The following NBAS variants were observed in gnomAD, a reference collection of about 807,000 sequenced individuals.
The protein encoded by NBAS is NBAS subunit of NRZ tethering complex.
Under a neutral mutation model 302.5 loss-of-function variants are expected in NBAS, and 219 were observed. That is an observed-to-expected ratio of 0.72 (90% CI 0.65 to 0.81). NBAS has a LOEUF of 0.81. Ranked by LOEUF, NBAS falls within the 30% of genes least tolerant of loss-of-function variation. The pLI is 0.00. For missense variants in NBAS, 2,932 were observed against 2,841.6 expected, an observed-to-expected ratio of 1.03 and a Z score of -0.72; for synonymous variants, 1,118 against 1,021.6, an observed-to-expected ratio of 1.09 and a Z score of -1.80.
chr2:15,226,465 A>G (rs1010470535), intron 47 of NBAS, among the ~76,000 whole-genome samples: 1 of 152,248 alleles, frequency 6.6e-6, no homozygotes, highest in African/African-American at 2.4e-5. Context: ...TTCTTGAAAT[A>G]TGATGTTATA....
At chr2:15,353,163 T>C (rs1287057579) in intron 34 of NBAS, among the ~76,000 whole-genome samples, 2 of 152,164 alleles carry the variant, frequency 1.3e-5, no homozygotes, top group East Asian at 3.9e-4. Flanking sequence ...AAAGCCCACC[T>C]CAATCCCCAA....
chr2:15,123,744 C>A, the NBAS span, among the ~76,000 whole-genome samples: 1 of 152,296 alleles, frequency 6.6e-6, no homozygotes, highest in South Asian at 2.1e-4. Flanking sequence ...AGAAGCAGAT[C>A]CCAGCACCCT....
intron 44 of NBAS, among the ~76,000 whole-genome samples, chr2:15,245,608 A>AGGAT (rs57408257): frequency 0.14 from 20,168 of 148,054 alleles, 1,604 homozygotes; most frequent in African/African-American, 0.21. Flanking sequence ...GTTGAATGGA[A>AGGAT]GGATGGATGG....
chr2:14,980,411 C>A, the NBAS span, among the ~76,000 whole-genome samples: 1 of 152,244 alleles, frequency 6.6e-6, no homozygotes, highest in South Asian at 2.1e-4. Context: ...AGCCATTACC[C>A]CAGACATCTT....
chr2:14,910,035 C>T, the NBAS span, among the ~76,000 whole-genome samples: 1 of 152,142 alleles, frequency 6.6e-6, no homozygotes, highest in African/African-American at 2.4e-5. Context: ...ACCCGGTTGC[C>T]CTGGAGACTT....
chr2:15,046,973 G>A, the NBAS span, among the ~76,000 whole-genome samples: 1 of 152,162 alleles, frequency 6.6e-6, no homozygotes, highest in Non-Finnish European at 1.5e-5. Flanking sequence ...AGACACCACG[G>A]GCCTGCTGGT....
At chr2:15,472,038 G>T (rs74889113) in intron 16 of NBAS, among the ~76,000 whole-genome samples, 1,907 of 152,254 alleles carry the variant, frequency 0.013, 36 homozygotes, top group African/African-American at 0.043. Flanking sequence ...ATCCAGTTTT[G>T]AGATTTAAGT....
chr2:15,323,523 T>C (rs1671917788), intron 38 of NBAS, among the ~76,000 whole-genome samples: 1 of 152,198 alleles, frequency 6.6e-6, no homozygotes, highest in African/African-American at 2.4e-5. Flanking sequence ...GTCTTCACTA[T>C]GGTTTCACAA....
At position 15,415,596 on chromosome 2, in the gene NBAS, T is replaced by C. The variant is rs1314410535; in HGVS notation, c.2887A>G (p.Lys963Glu). 1 of 1,614,008 alleles carries C rather than the reference T, an allele frequency of 6.2e-7. No individual in the cohort carries two copies. The highest frequency in any genetic ancestry group is 1.3e-5 in the African/African-American group (1 of 74,928). ...LLKEYLVTLAKGDLKFPLKIF... is the reference protein window; with the variant it reads ...LLKEYLVTLAEGDLKFPLKIF... The stretch of plus-strand genomic sequence containing the variant: ...TTCAGGGGAAATTTTAAGTCCCCTT[T>C]AGCTAAAGTTACTAAATATTCTTTT... The change falls in exon 25 of 52, where the codon AAA (lysine) becomes GAA (glutamate). Residue 963 changes from lysine (K) to glutamate (E), a missense_variant. Transcript: ENST00000281513.
chr2:15,107,183 T>C, the NBAS span, among the ~76,000 whole-genome samples: 1 of 152,082 alleles, frequency 6.6e-6, no homozygotes, highest in African/African-American at 2.4e-5. Context: ...GGTAGGATCT[T>C]ACTCCAATAG....
the NBAS span, among the ~76,000 whole-genome samples, chr2:14,867,858 T>C: frequency 6.6e-6 from 1 of 152,340 alleles, no homozygotes; most frequent in South Asian, 2.1e-4. Flanking sequence ...ACCTTATTTT[T>C]CATTGCTTAC....
chr2:15,309,237 T>C lies in NBAS; in HGVS notation c.4593A>G (p.Gln1531=), dbSNP rs1671170983. 1.9e-6 allele frequency: 3 copies of C among 1,611,362 alleles called. No homozygotes were observed. Among genetic ancestry groups the C allele is most frequent in the Admixed American group, 1.7e-5 (1 of 59,920 alleles). ...CATTTGGCAAGGCTTCACTTGCTAG[T>C]TGCAAGAGAACTGAATGCAGAAAAA... ...EVFPTTEVLL[Q]LASEALPNDM... Residue 1531 remains glutamine, a synonymous_variant, in exon 39 of 52, where the codon CAA becomes CAG. Coordinates refer to ENST00000281513, the MANE Select transcript of NBAS (RefSeq NM_015909.4).
intron 10 of NBAS, among the ~76,000 whole-genome samples, chr2:15,504,795 A>T (rs899755858): frequency 6.6e-6 from 1 of 152,182 alleles, no homozygotes; most frequent in African/African-American, 2.4e-5. Flanking sequence ...ACTGTGGAAG[A>T]AGCTTGGTGG....
chr2:14,916,585 T>C, the NBAS span, among the ~76,000 whole-genome samples: 1 of 152,284 alleles, frequency 6.6e-6, no homozygotes, highest in Admixed American at 6.5e-5. Flanking sequence ...TTCAGTAATA[T>C]ATATATATGA....
the NBAS span, among the ~76,000 whole-genome samples, chr2:15,064,642 A>G: frequency 6.6e-6 from 1 of 152,192 alleles, no homozygotes; most frequent in East Asian, 1.9e-4. Context: ...CCAAATATTT[A>G]AAGAATAATT....
the NBAS span, among the ~76,000 whole-genome samples, chr2:15,161,523 A>G: frequency 3.0e-4 from 45 of 152,298 alleles, 1 homozygote; most frequent in African/African-American, 9.4e-4. Context: ...AGTACTGCTG[A>G]GGAGAACTTC....
At chr2:15,549,379 T>C (rs1257320368) in intron 6 of NBAS, among the ~76,000 whole-genome samples, 1 of 151,920 alleles carries the variant, frequency 6.6e-6, no homozygotes, top group Non-Finnish European at 1.5e-5. Flanking sequence ...AAGTAAAAAA[T>C]GTTAAGAGCC....
rs557605387 is a variant in NBAS at position 15,437,599 on chromosome 2, A to T, written c.2340-9805T>A. ...TCTGCAGGGCGAATAAGTCTAACAC[A>T]CTTTAGTGTTGATGAGGTTCAAGAT... On this transcript the variant is annotated intron_variant, in intron 21 of 51. Transcript: ENST00000281513. 4.6e-4 allele frequency among the ~76,000 whole-genome samples: 70 copies of T among 152,322 alleles called. 1 individual carries two copies. The highest frequency in any genetic ancestry group is 1.5e-3 in the African/African-American group (61 of 41,584).
chr2:14,878,182 T>C, the NBAS span, among the ~76,000 whole-genome samples: 2 of 152,202 alleles, frequency 1.3e-5, no homozygotes, highest in Non-Finnish European at 2.9e-5. Flanking sequence ...AGAACACTCC[T>C]GGCACCAACT....
Sources: gnomAD v4.1 joint callset for allele counts (sites outside exome capture counted in the v4.1 genomes callset) on GRCh38, gnomAD v4.1.1 for gene constraint, MANE v1.5 for transcripts, NCBI Gene and HGNC (gene_info 2026-07-23, HGNC 2026-07-21) for gene names.